Variants in FLT3 observed in about 807,000 individuals in gnomAD.
FLT3 encodes the protein receptor-type tyrosine-protein kinase FLT3.
A neutral mutation model predicts 126.6 loss-of-function variants in FLT3; 46 were observed. The ratio of observed to expected loss-of-function variants is 0.36; its 90% CI spans 0.29 to 0.46. The LOEUF is 0.46. Among genes scored for constraint, FLT3 ranks in the 20% least tolerant of loss-of-function variants. The pLI, the probability that FLT3 is intolerant of heterozygous loss-of-function variation, is 1.00. For missense variants in FLT3, 1,069 were observed against 1,190.3 expected (o/e 0.90, Z 1.50); for synonymous variants, 404 against 434.4 (o/e 0.93, Z 0.87).
Position 28,034,380 on chromosome 13 carries a change from A to C in FLT3, c.1625T>G (p.Ile542Ser). The C allele has an allele frequency of 6.2e-7, 1 of 1,614,022 alleles. No individual in the cohort carries two copies. Among genetic ancestry groups the C allele is most frequent in the South Asian group, 1.1e-5 (1 of 91,080 alleles). Residue 542 changes from isoleucine (I) to serine (S), a missense_variant, in exon 13 of 24, where the codon ATC (isoleucine) becomes AGC (serine). Physicochemically the swap from Ile to Ser is moderately radical, Grantham distance 142. Coordinates refer to ENST00000241453, the MANE Select transcript of FLT3 (RefSeq NM_004119.3). ...AACACCAATTGTTGCATAGAATGAG[A>C]TGTTGTCTTGGATGAAAGGGAAGGG... ...PGPFPFIQDN[I>S]SFYATIGVCL...
chr13:28,070,668 C>G, intron 1 of FLT3, 56 bp from the exon 2 acceptor site: 1 of 1,378,202 alleles, frequency 7.3e-7, no homozygotes. Context: ...AAAAAGAAAA[C>G]ATGCATTTAT....
At chr13:28,091,276 C>G (rs940338547) in intron 1 of FLT3, among the ~76,000 whole-genome samples, 1 of 112,794 alleles carries the variant, frequency 8.9e-6, no homozygotes, top group Non-Finnish European at 1.6e-5. Context: ...GGCTGGAGTG[C>G]AGTGGCGCGA....
chr13:28,071,849 T>C (rs1877548030), intron 1 of FLT3, among the ~76,000 whole-genome samples: 2 of 151,374 alleles, frequency 1.3e-5, no homozygotes, highest in South Asian at 4.2e-4. Flanking sequence ...TCTTTTTAAT[T>C]TTTTTTTTAA....
chr13:28,051,284 T>C (rs927292677), intron 5 of FLT3, among the ~76,000 whole-genome samples: 10 of 152,260 alleles, frequency 6.6e-5, no homozygotes, highest in African/African-American at 2.4e-4. Flanking sequence ...TCACCCAGGC[T>C]GGAGTGCAAT....
At chr13:28,035,762 C>A (rs1164490056) in intron 11 of FLT3, 89 bp from the exon 12 acceptor site, 1 of 1,371,812 alleles carries the variant, frequency 7.3e-7, no homozygotes, top group Non-Finnish European at 1.0e-6. Context: ...AAAAGAGATT[C>A]ATCCAGTATA....
At chr13:28,064,845 G>C (rs1034114992) in intron 2 of FLT3, among the ~76,000 whole-genome samples, 1 of 152,140 alleles carries the variant, frequency 6.6e-6, no homozygotes, top group Non-Finnish European at 1.5e-5. Flanking sequence ...ATTTGAGCCA[G>C]CAATCTCACT....
rs1049983752 is a variant in FLT3, at chr13:28,004,075, G to A, written c.2959C>T (p.Gln987Ter). The change falls in exon 24 of 24, where the codon CAG becomes TAG. Residue 987 changes from glutamine to a stop codon, truncating the protein, a stop_gained. Coordinates refer to ENST00000241453, the MANE Select transcript of FLT3 (RefSeq NM_004119.3). LOFTEE classifies it high-confidence loss of function. ...REMDLGLLSP[Q>*]AQVEDS is the part of the protein sequence containing the mutation. ...CTCTACGAATCTTCGACCTGAGCCT[G>A]CGGAGAGAGTAGCCCCAAATCCATC... 4.3e-6 allele frequency: 7 copies of A among 1,613,980 alleles called. No homozygotes were observed. Among genetic ancestry groups the A allele is most frequent in the African/African-American group, 1.3e-5 (1 of 74,900 alleles).
At chr13:28,079,625 T>C (rs1878190476) in intron 1 of FLT3, among the ~76,000 whole-genome samples, 2 of 152,074 alleles carry the variant, frequency 1.3e-5, no homozygotes, top group African/African-American at 4.8e-5. Flanking sequence ...AAAATCATGG[T>C]GGGAGGTGAA....
chr13:28,091,284 C>T (rs866854064), intron 1 of FLT3, among the ~76,000 whole-genome samples: 156 of 122,532 alleles, frequency 1.3e-3, no homozygotes, highest in Middle Eastern at 6.2e-3. Flanking sequence ...TGCAGTGGCG[C>T]GATCTCGGCT....
intron 15 of FLT3, 58 bp downstream of exon 15, chr13:28,033,829 G>A (rs946854536): frequency 7.9e-7 from 1 of 1,261,842 alleles, no homozygotes; most frequent in African/African-American, 1.5e-5. Flanking sequence ...GGCATGGGTG[G>A]GAAACTGTGC....
At chr13:28,010,814 C>G (rs1871288978) in intron 23 of FLT3, among the ~76,000 whole-genome samples, 1 of 152,070 alleles carries the variant, frequency 6.6e-6, no homozygotes, top group South Asian at 2.1e-4. Context: ...TGAGACTAGC[C>G]TGGCCAACAT....
chr13:28,060,272 A>G (rs912489624), intron 3 of FLT3, among the ~76,000 whole-genome samples: 3 of 150,500 alleles, frequency 2.0e-5, no homozygotes, highest in African/African-American at 7.3e-5. Context: ...AACAAAAAAC[A>G]TTAGCCAGGA....
chr13:28,031,976 C>T (rs546723786), intron 15 of FLT3, among the ~76,000 whole-genome samples: 1 of 152,208 alleles, frequency 6.6e-6, no homozygotes, highest in African/African-American at 2.4e-5. Flanking sequence ...GAGCCTTGAA[C>T]TAGAGTGGTG....
chr13:28,032,179 G>C (rs1873402220), intron 15 of FLT3, among the ~76,000 whole-genome samples: 1 of 152,210 alleles, frequency 6.6e-6, no homozygotes, highest in South Asian at 2.1e-4. Context: ...TGCTGGTGCA[G>C]GGCCAGGGTT....
At chr13:28,014,696 C>T (rs1178704088) in intron 22 of FLT3, 139 bp from the exon 23 acceptor site, 4 of 613,078 alleles carry the variant, frequency 6.5e-6, no homozygotes, top group Non-Finnish European at 1.1e-5. Flanking sequence ...AAGTCCTCTA[C>T]CAGATTTTGA....
intron 9 of FLT3, among the ~76,000 whole-genome samples, chr13:28,041,954 A>C (rs1389929134): frequency 6.6e-6 from 1 of 152,076 alleles, no homozygotes; most frequent in Non-Finnish European, 1.5e-5. Context: ...GGAGTTCGAG[A>C]TCAGCCTGGC....
chr13:28,096,247 AG>A (rs1196077428), intron 1 of FLT3, among the ~76,000 whole-genome samples: 1 of 151,996 alleles, frequency 6.6e-6, no homozygotes. Flanking sequence ...CCCACAACTC[AG>A]GAGGTTGAGG....
In FLT3 at chr13:28,028,180, G is replaced by A. The variant is rs757518348; in HGVS notation, c.2051C>T (p.Ser684Leu). 8 of 1,556,418 alleles carry A rather than the reference G, an allele frequency of 5.1e-6. No homozygotes were observed. The highest frequency in any genetic ancestry group is 4.4e-5 in the South Asian group (4 of 89,926). The stretch of plus-strand genomic sequence containing the variant: ...TGATTTTCGTGGAAGTGGGTTACCT[G>A]ACAGTGTGCACGCCCCCAGCAGGTT... Reference protein sequence around the residue: ...IVNLLGACTLSGPIYLIFEYC... With the variant: ...IVNLLGACTLLGPIYLIFEYC... Residue 684 changes from serine to leucine, a missense_variant and splice_region_variant, in exon 16 of 24, where the codon TCA becomes TTA. Physicochemically the swap from Ser to Leu is moderately radical, Grantham distance 145. Transcript: ENST00000241453.
chr13:28,042,117 G>T (rs1439253537), intron 9 of FLT3, among the ~76,000 whole-genome samples: 2 of 149,686 alleles, frequency 1.3e-5, no homozygotes, highest in Non-Finnish European at 3.0e-5. Context: ...TTGCACTCCA[G>T]CATGGGTGAG....
Sources: gnomAD v4.1 joint callset for allele counts (sites outside exome capture counted in the v4.1 genomes callset) on GRCh38, gnomAD v4.1.1 for gene constraint, MANE v1.5 for transcripts, NCBI Gene and HGNC (gene_info 2026-07-23, HGNC 2026-07-21) for gene names.